Variants in ARL15 observed in about 807,000 individuals in gnomAD.
The protein encoded by ARL15 is ADP-ribosylation factor-like protein 15.
In ARL15, 19 loss-of-function variants were observed where a neutral mutation model predicts 25.2. That is an observed-to-expected ratio of 0.75 (90% CI 0.53 to 1.10). The LOEUF is 1.10. Ranked by LOEUF, ARL15 falls within the 50% of genes least tolerant of loss-of-function variation. The probability of loss-of-function intolerance (pLI) is 0.00; values close to 1 mark genes in which losing one functional copy is unlikely to be tolerated. For synonymous variants in ARL15, 94 were observed against 86.8 expected (o/e 1.08, Z -0.46); for missense variants, 220 against 246.0 (o/e 0.89, Z 0.71).
chr5:54,055,352 CTTTTTTTTTTTTTTTTT>C (rs147040538), intron 4 of ARL15, among the ~76,000 whole-genome samples: 1 of 55,330 alleles, frequency 1.8e-5, no homozygotes, highest in Non-Finnish European at 3.1e-5. Context: ...ATCATCATTC[CTTTTTTTTTTTTTTTTT>C]TTTTTTTTTG....
chr5:54,309,039 T>C (rs1418046826), intron 1 of ARL15, among the ~76,000 whole-genome samples: 3 of 152,180 alleles, frequency 2.0e-5, no homozygotes, highest in African/African-American at 7.2e-5. Flanking sequence ...ACTTAGAAAA[T>C]AATCTTCTGG....
At chr5:54,268,109 C>T (rs1348393001) in intron 1 of ARL15, among the ~76,000 whole-genome samples, 1 of 152,052 alleles carries the variant, frequency 6.6e-6, no homozygotes, top group African/African-American at 2.4e-5. Context: ...GTACACCAAT[C>T]AGACGTAGAT....
intron 4 of ARL15, among the ~76,000 whole-genome samples, chr5:53,946,898 G>A (rs575464651): frequency 6.6e-6 from 1 of 152,264 alleles, no homozygotes; most frequent in Non-Finnish European, 1.5e-5. Flanking sequence ...AGGGAAATGA[G>A]TCATAATCAA....
chr5:54,148,219 G>A (rs753350736), intron 3 of ARL15, among the ~76,000 whole-genome samples: 12 of 152,244 alleles, frequency 7.9e-5, no homozygotes, highest in Middle Eastern at 3.4e-3. Context: ...AGTTTCTGGA[G>A]AAATTAAGAA....
At chr5:54,274,113 G>C (rs1401669629) in intron 1 of ARL15, among the ~76,000 whole-genome samples, 1 of 152,126 alleles carries the variant, frequency 6.6e-6, no homozygotes, top group Non-Finnish European at 1.5e-5. Flanking sequence ...GCTGTAGATT[G>C]AGTCTAGTTC....
intron 4 of ARL15, among the ~76,000 whole-genome samples, chr5:54,039,751 G>A (rs1251741327): frequency 3.1e-5 from 4 of 129,310 alleles, no homozygotes; most frequent in Non-Finnish European, 6.2e-5. Flanking sequence ...GCAGTGAGCC[G>A]AGATTGCACC....
chr5:54,029,305 T>TTACCACCACCACCACCACCAC (rs1749886075), intron 4 of ARL15, among the ~76,000 whole-genome samples: 1 of 136,436 alleles, frequency 7.3e-6, no homozygotes, highest in African/African-American at 2.9e-5. Context: ...ATAAAAACAG[T>TTACCACCACCACCACCACCAC]TACCACCACC....
At chr5:54,248,398 C>G (rs1757150194) in intron 1 of ARL15, among the ~76,000 whole-genome samples, 1 of 152,190 alleles carries the variant, frequency 6.6e-6, no homozygotes, top group African/African-American at 2.4e-5. Flanking sequence ...GGCCTCCTGG[C>G]TGTTCACTTA....
intron 3 of ARL15, among the ~76,000 whole-genome samples, chr5:54,120,535 AG>A (rs894389535): frequency 2.0e-5 from 3 of 152,230 alleles, no homozygotes; most frequent in Non-Finnish European, 4.4e-5. Context: ...AAGCATAGAA[AG>A]AAAAAGCTGT....
chr5:54,191,163 G>A (rs747838987), intron 1 of ARL15, among the ~76,000 whole-genome samples: 20 of 152,144 alleles, frequency 1.3e-4, no homozygotes, highest in Admixed American at 1.3e-3. Flanking sequence ...GTTACAGCAT[G>A]TTTCAACCCT....
intron 4 of ARL15, among the ~76,000 whole-genome samples, chr5:53,939,438 T>A (rs1339651340): frequency 6.6e-6 from 1 of 152,110 alleles, no homozygotes; most frequent in African/African-American, 2.4e-5. Flanking sequence ...GTTTTGCAAA[T>A]AGCAAGTTAG....
intron 4 of ARL15, among the ~76,000 whole-genome samples, chr5:54,059,107 A>T (rs551918656): frequency 6.6e-6 from 1 of 151,980 alleles, no homozygotes; most frequent in African/African-American, 2.4e-5. Flanking sequence ...ACTTATATAA[A>T]CCCTCCTATT....
intron 4 of ARL15, among the ~76,000 whole-genome samples, chr5:53,910,668 T>C (rs908405198): frequency 2.3e-5 from 3 of 127,674 alleles, no homozygotes; most frequent in Non-Finnish European, 3.4e-5. Context: ...TATATATATA[T>C]ATATAAAGAA....
In ARL15 at chr5:54,258,168, C is replaced by CAAAAAAA. The variant is rs773543108; in HGVS notation, c.48+52257_48+52263dup. ...CAACATAGTTAAGACTTTGTTTCTA[C>CAAAAAAA]AAAAAAAAAAAAAAAATTTATGAGT... On this transcript the variant is annotated intron_variant, in intron 1 of 4. Transcript: ENST00000504924. 3.2e-4 allele frequency among the ~76,000 whole-genome samples: 39 copies of CAAAAAAA among 121,736 alleles called. 1 individual carries two copies. The highest frequency in any genetic ancestry group is 8.3e-4 in the African/African-American group (28 of 33,896). The allele number at this position is 121,736 out of a possible 152,430, so 79.9% of individuals were successfully genotyped here. A position where few individuals can be genotyped will look rare whatever the true frequency, so the allele number is the denominator to read the frequency against.
At position 54,076,220 on chromosome 5, in the gene ARL15, T is replaced by C. The variant is rs1751597062; in HGVS notation, c.462+36982A>G. Among the ~76,000 whole-genome samples, 3 of 151,224 alleles carry C rather than the reference T, an allele frequency of 2.0e-5. 1 individual carries two copies. Among genetic ancestry groups the C allele is most frequent in the African/African-American group, 7.3e-5 (3 of 41,182 alleles). On this transcript the variant is annotated intron_variant, in intron 4 of 4. Coordinates refer to ENST00000504924, the MANE Select transcript of ARL15 (RefSeq NM_019087.3). ...TCACGAGGTCAGGAGATCGAGACCA[T>C]CCTGGCTAATACAGTGAAACCCCAT...
chr5:53,979,633 C>T (rs1748055774), intron 4 of ARL15, among the ~76,000 whole-genome samples: 1 of 152,150 alleles, frequency 6.6e-6, no homozygotes, highest in Admixed American at 6.5e-5. Flanking sequence ...GTGCCAGAAG[C>T]AGTCATAGGG....
At chr5:54,257,084 T>C (rs944736477) in intron 1 of ARL15, among the ~76,000 whole-genome samples, 3 of 152,208 alleles carry the variant, frequency 2.0e-5, no homozygotes, top group African/African-American at 7.2e-5. Flanking sequence ...CTGGAAGTCC[T>C]AGCCAGGGCA....
intron 3 of ARL15, 171 bp downstream of exon 3, chr5:54,154,409 A>T (rs1381060944): frequency 1.9e-6 from 1 of 533,182 alleles, no homozygotes; most frequent in Non-Finnish European, 3.2e-6. Flanking sequence ...ACTCTTCAAC[A>T]ATTTTTAAAA....
intron 4 of ARL15, among the ~76,000 whole-genome samples, chr5:53,889,591 C>T (rs1331768146): frequency 2.0e-5 from 3 of 152,190 alleles, no homozygotes; most frequent in African/African-American, 7.2e-5. Context: ...CTAACACTGC[C>T]AATATTCACT....
Sources: gnomAD v4.1 joint callset for allele counts (sites outside exome capture counted in the v4.1 genomes callset) on GRCh38, gnomAD v4.1.1 for gene constraint, MANE v1.5 for transcripts, NCBI Gene and HGNC (gene_info 2026-07-23, HGNC 2026-07-21) for gene names.